CLDN18: variants seen among roughly 807,000 people sequenced by gnomAD.
CLDN18 encodes claudin 18.
A neutral mutation model predicts 25.0 loss-of-function variants in CLDN18; 20 were observed. The ratio of observed to expected loss-of-function variants is 0.80; its 90% confidence interval spans 0.56 to 1.16. CLDN18 has a LOEUF of 1.16. Ranked by LOEUF, CLDN18 falls within the 50% of genes most tolerant of loss-of-function variation. The pLI is 0.00. For synonymous variants in CLDN18, 125 were observed against 135.6 expected (o/e 0.92, Z 0.54); for missense variants, 297 against 345.4 (o/e 0.86, Z 1.11).
chr3:137,999,166 C>A (rs536296946), intron 1 of CLDN18: 8 of 1,273,420 alleles, frequency 6.3e-6, no homozygotes, highest in South Asian at 1.2e-5. Context: ...CTGGGCACCA[C>A]GACAGGGACT....
At chr3:137,998,960 G>A (rs781287680) in exon 1 of CLDN18, 2 of 1,614,242 alleles carry the variant, frequency 1.2e-6, no homozygotes, top group Non-Finnish European at 1.7e-6. Flanking sequence ...GACCAGTGGA[G>A]CACCCAAGAC....
At chr3:138,022,406 G>A (rs751551177) in intron 1 of CLDN18, among the ~76,000 whole-genome samples, 36 of 152,270 alleles carry the variant, frequency 2.4e-4, no homozygotes, top group South Asian at 6.2e-4. Context: ...TTCTGGTACC[G>A]AAATCAAGAA....
intron 1 of CLDN18, among the ~76,000 whole-genome samples, chr3:138,004,153 C>G (rs1265930792): frequency 6.6e-6 from 1 of 152,006 alleles, no homozygotes; most frequent in Non-Finnish European, 1.5e-5. Flanking sequence ...CAGTGAGACT[C>G]CATCTCAAAA....
upstream of CLDN18, among the ~76,000 whole-genome samples, chr3:138,008,036 G>A (rs773740893): frequency 6.6e-6 from 1 of 152,206 alleles, no homozygotes; most frequent in Non-Finnish European, 1.5e-5. Context: ...CAGTGAAGGG[G>A]AGTGTTGCCT....
At chr3:137,999,250 C>T (rs558539308) in intron 1 of CLDN18, among the ~76,000 whole-genome samples, 2 of 152,248 alleles carry the variant, frequency 1.3e-5, no homozygotes, top group Admixed American at 6.5e-5. Flanking sequence ...AATAGGAGGA[C>T]GGGAACCTTA....
At chr3:138,017,137 G>C (rs2107882372) in intron 1 of CLDN18, among the ~76,000 whole-genome samples, 1 of 151,902 alleles carries the variant, frequency 6.6e-6, no homozygotes, top group Admixed American at 6.6e-5. Flanking sequence ...CATCACTGCT[G>C]TGTCTACATC....
chr3:137,999,997 T>C (rs1041300929), intron 1 of CLDN18, among the ~76,000 whole-genome samples: 74 of 152,132 alleles, frequency 4.9e-4, no homozygotes, highest in African/African-American at 1.8e-3. Flanking sequence ...AGGGGGGCAA[T>C]GTAAACAGGA....
upstream of CLDN18, chr3:138,005,213 T>A (rs1050772659): frequency 2.0e-5 from 3 of 152,202 alleles, no homozygotes; most frequent in Non-Finnish European, 4.4e-5. Flanking sequence ...GTTTTTTGTT[T>A]TTTTTCTTTT....
intron 4 of CLDN18, 105 bp from the exon 5 acceptor site, chr3:138,030,865 G>A: frequency 9.4e-7 from 1 of 1,068,118 alleles, no homozygotes; most frequent in East Asian, 2.4e-5. Context: ...GGTTTCCAGG[G>A]ACACTGGACT....
intron 1 of CLDN18, among the ~76,000 whole-genome samples, chr3:138,001,209 T>C (rs901543385): frequency 3.3e-5 from 5 of 152,196 alleles, no homozygotes; most frequent in African/African-American, 1.2e-4. Flanking sequence ...GCAGCCCTAA[T>C]AGGGAGCCCT....
At chr3:138,020,371 A>G (rs555734572) in intron 1 of CLDN18, among the ~76,000 whole-genome samples, 3 of 152,348 alleles carry the variant, frequency 2.0e-5, no homozygotes, top group East Asian at 1.9e-4. Context: ...ATGGAGATCA[A>G]TGGGATAGAA....
chr3:138,023,579 G>T, intron 1 of CLDN18, 79 bp from the exon 2 acceptor site: 1 of 1,461,990 alleles, frequency 6.8e-7, no homozygotes, highest in Non-Finnish European at 9.4e-7. Context: ...TGGTTGCTTT[G>T]TTTTATTAAA....
chr3:138,007,494 G>A (rs1333778804), upstream of CLDN18, among the ~76,000 whole-genome samples: 1 of 143,180 alleles, frequency 7.0e-6, no homozygotes, highest in East Asian at 2.2e-4. Flanking sequence ...GCTGAACAAT[G>A]AGAACACATG....
chr3:138,024,791 C>T (rs1942306445), intron 3 of CLDN18, 67 bp downstream of exon 3: 1 of 943,112 alleles, frequency 1.1e-6, no homozygotes, highest in African/African-American at 1.6e-5. Context: ...TGATTAAACA[C>T]ATGCACCTAA....
chr3:138,029,802 C>T lies in CLDN18; in HGVS notation c.509C>T (p.Thr170Ile). Residue 170 changes from threonine (T) to isoleucine (I), a missense_variant, in exon 4 of 5, where the codon ACA becomes ATA. Transcript: ENST00000183605. ...GCCACCATCTCCCTACCCAGGTACA[C>T]ATTTGGTGCGGCTCTGTTCGTGGGC... ...GMVQTVQTRY[T>I]FGAALFVGWV... 1.3e-6 allele frequency: 2 copies of T among 1,564,040 alleles called. No individual in the cohort carries two copies. Among genetic ancestry groups the T allele is most frequent in the Non-Finnish European group, 1.7e-6 (2 of 1,155,406 alleles).
chr3:138,015,344 C>G (rs916914869), intron 1 of CLDN18, among the ~76,000 whole-genome samples: 4 of 152,104 alleles, frequency 2.6e-5, no homozygotes, highest in Admixed American at 2.6e-4. Flanking sequence ...TCATCAGAAA[C>G]AGCTGTGTAA....
chr3:138,031,243 TG>T lies in CLDN18; in HGVS notation c.*104del. The T allele has an allele frequency of 1.8e-6, 2 of 1,110,972 alleles. No individual in the cohort carries two copies. Among genetic ancestry groups the T allele is most frequent in the South Asian group, 1.9e-5 (1 of 52,638 alleles). 68.8% of individuals were successfully genotyped at this position (1,110,972 alleles called of 1,614,324 possible). On this transcript the variant is annotated 3_prime_UTR_variant, in exon 5 of 5. Transcript: ENST00000183605. ...TTTCTTCTTGCTTTTGACTCACAGC[TG>T]GAAGTTAGAAAAGCCTCGATTTCAT...
chr3:137,999,160 G>T, intron 1 of CLDN18: 2 of 1,375,794 alleles, frequency 1.5e-6, no homozygotes, highest in Non-Finnish European at 2.1e-6. Context: ...CTCTGTCTGG[G>T]CACCACGACA....
chr3:138,010,200 A>AGGCGGCAGGGCG lies in CLDN18; in HGVS notation c.-19_-8dup. The AGGCGGCAGGGCG allele has an allele frequency of 5.6e-6, 9 of 1,605,870 alleles. No individual in the cohort carries two copies. Among genetic ancestry groups the AGGCGGCAGGGCG allele is most frequent in the African/African-American group, 4.0e-5 (3 of 74,904 alleles). On this transcript the variant is annotated 5_prime_UTR_variant, in exon 1 of 5. Transcript: ENST00000183605. ...CAGCAGGAGGGCGGCAGCTTCTCGCAGGCGGCAGGGCGGGCGGCCAGGATC... is the reference window on the plus strand; with the variant it reads ...CAGCAGGAGGGCGGCAGCTTCTCGCAGGCGGCAGGGCGGGCGGCAGGGCGGGCGGCCAGGATC...
Sources: gnomAD v4.1 joint callset for allele counts (sites outside exome capture counted in the v4.1 genomes callset) on GRCh38, gnomAD v4.1.1 for gene constraint, MANE v1.5 for transcripts, NCBI Gene and HGNC (gene_info 2026-07-23, HGNC 2026-07-21) for gene names.